CACNA1E: variants seen among roughly 807,000 people sequenced by gnomAD.
The protein encoded by CACNA1E is voltage-dependent R-type calcium channel subunit alpha-1E.
A neutral mutation model predicts 259.2 loss-of-function variants in CACNA1E; 40 were observed. The observed-to-expected ratio is 0.15, with a 90% confidence interval of 0.12 to 0.20. The LOEUF (loss-of-function observed/expected upper bound fraction) is 0.20. CACNA1E is among the 10% of genes least tolerant of loss of function. The probability of loss-of-function intolerance (pLI) is 1.00; values close to 1 mark genes in which losing one functional copy is unlikely to be tolerated. For synonymous variants in CACNA1E, 1,104 were observed against 1,138.5 expected, an observed-to-expected ratio of 0.97 and a Z score of 0.61; for missense variants, 1,874 against 3,040.1, an observed-to-expected ratio of 0.62 and a Z score of 9.02.
intron 21 of CACNA1E, among the ~76,000 whole-genome samples, chr1:181,734,748 C>A (rs1352257671): frequency 1.4e-5 from 2 of 145,780 alleles, no homozygotes; most frequent in African/African-American, 2.6e-5. Context: ...ACACCCTATC[C>A]TTGCCCTGAC....
Position 181,796,663 on chromosome 1 carries a change from C to T in CACNA1E, c.6209-5C>T, listed in dbSNP as rs773124453. 12 of 1,570,458 alleles carry T rather than the reference C, an allele frequency of 7.6e-6. No individual in the cohort carries two copies. The highest frequency in any genetic ancestry group is 2.3e-5 in the East Asian group (1 of 43,722). ...ATAACCAAGTGCTTTTGTCACCTCT[C>T]ACAGGCCACAAGTCTGACACTCACC... On this transcript the variant is annotated splice_region_variant and splice_polypyrimidine_tract_variant and intron_variant, in intron 46 of 47. Transcript: ENST00000367573.
At chr1:181,769,101 T>C (rs1659270324) in intron 35 of CACNA1E, among the ~76,000 whole-genome samples, 2 of 152,222 alleles carry the variant, frequency 1.3e-5, no homozygotes, top group African/African-American at 4.8e-5. Flanking sequence ...GCTCCTTCAC[T>C]GAACAACTGT....
At chr1:181,632,996 G>A (rs532734528) in intron 6 of CACNA1E, among the ~76,000 whole-genome samples, 1 of 152,246 alleles carries the variant, frequency 6.6e-6, no homozygotes, top group Non-Finnish European at 1.5e-5. Flanking sequence ...TTAGCACCCT[G>A]TATGATATAG....
chr1:181,366,376 A>C (rs376185125), intron 1 of CACNA1E, among the ~76,000 whole-genome samples: 1 of 152,222 alleles, frequency 6.6e-6, no homozygotes, highest in African/African-American at 2.4e-5. Context: ...TGCAGGTTGC[A>C]CGAGACCTAG....
intron 6 of CACNA1E, among the ~76,000 whole-genome samples, chr1:181,591,572 A>T (rs1451537304): frequency 6.6e-6 from 1 of 151,928 alleles, no homozygotes; most frequent in Non-Finnish European, 1.5e-5. Context: ...TATTTATATT[A>T]AATATATACA....
intron 7 of CACNA1E, among the ~76,000 whole-genome samples, chr1:181,657,290 G>C (rs1659283712): frequency 6.6e-6 from 1 of 152,090 alleles, no homozygotes; most frequent in South Asian, 2.1e-4. Flanking sequence ...GGGAAAGGGA[G>C]GGGGAGATTT....
chr1:181,776,136 C>T lies in CACNA1E; in HGVS notation c.5175C>T (p.Asn1725=). 1 of 1,613,918 alleles carries T rather than the reference C, an allele frequency of 6.2e-7. No homozygotes were observed. Among genetic ancestry groups the T allele is most frequent in the South Asian group, 1.1e-5 (1 of 91,080 alleles). The change falls in exon 38 of 48, where the codon AAC becomes AAT. Residue 1725 remains asparagine, a synonymous_variant. Coordinates refer to ENST00000367573, the MANE Select transcript of CACNA1E (RefSeq NM_001205293.3). This position sits in a 1 kb window ranked among gnomAD's most constrained non-coding sequence, Gnocchi z 4.4. The stretch of plus-strand genomic sequence containing the variant: ...TGTTTGTGGCCGTCATCATGGACAA[C>T]TTTGAGTACCTGACTCGGGACTCCT... ...LNLFVAVIMD[N]FEYLTRDSSI... is the part of the protein sequence containing the mutation.
chr1:181,648,145 A>AG (rs948416773), intron 6 of CACNA1E, among the ~76,000 whole-genome samples: 56 of 152,288 alleles, frequency 3.7e-4, no homozygotes, highest in African/African-American at 1.3e-3. Flanking sequence ...ACAGATTGAG[A>AG]GGGGGCTATG....
chr1:181,321,867 C>T (rs927788672), intron 1 of CACNA1E, among the ~76,000 whole-genome samples: 6 of 152,138 alleles, frequency 3.9e-5, no homozygotes, highest in African/African-American at 1.4e-4. Flanking sequence ...CTAGTTGGGC[C>T]TCATTTAACT....
At chr1:181,634,496 A>G (rs1366663626) in intron 6 of CACNA1E, among the ~76,000 whole-genome samples, 1 of 152,254 alleles carries the variant, frequency 6.6e-6, no homozygotes, top group Non-Finnish European at 1.5e-5. Flanking sequence ...TCTTGGAAAC[A>G]AACATAGCAA....
At chr1:181,598,227 G>A (rs563406613) in intron 6 of CACNA1E, among the ~76,000 whole-genome samples, 4 of 152,318 alleles carry the variant, frequency 2.6e-5, no homozygotes, top group African/African-American at 4.8e-5. Context: ...ACCAGGGCCC[G>A]TGTTAGGCAT....
At chr1:181,736,834 A>G (rs977761994) in intron 22 of CACNA1E, among the ~76,000 whole-genome samples, 1 of 152,162 alleles carries the variant, frequency 6.6e-6, no homozygotes, top group Admixed American at 6.5e-5. Flanking sequence ...GGAGTTGAGA[A>G]TTTTGGTCAC....
chr1:181,735,397 G>A lies in CACNA1E; in HGVS notation c.3263-878G>A, dbSNP rs532298571. 2.3e-4 allele frequency among the ~76,000 whole-genome samples: 35 copies of A among 152,270 alleles called. 1 individual carries two copies. The highest frequency in any genetic ancestry group is 7.9e-4 in the African/African-American group (33 of 41,550). ...ATGACTTACTCTTTAGGAGGCCTGG[G>A]CATGGGCCAGGACCACCGAGGTCCA... On this transcript the variant is annotated intron_variant, in intron 21 of 47. Transcript: ENST00000367573.
In CACNA1E at chr1:181,784,746, T is replaced by A; in HGVS notation, c.5556T>A (p.Asp1852Glu). The change falls in exon 41 of 48, where the codon GAT (aspartate) becomes GAA (glutamate). Residue 1852 changes from aspartate (D) to glutamate (E), a missense_variant. Coordinates refer to ENST00000367573, the MANE Select transcript of CACNA1E (RefSeq NM_001205293.3). ...CTCACCTATCCCAGAAGATGCTGGATCTGCTTGTGCCCATGCCCAAAGGTT... is the reference window on the plus strand; with the variant it reads ...CTCACCTATCCCAGAAGATGCTGGAACTGCTTGTGCCCATGCCCAAAGGTT... ...IWPHLSQKML[D>E]LLVPMPKASD... 1 of 1,576,654 alleles carries A rather than the reference T, an allele frequency of 6.3e-7. No homozygotes were observed.
intron 2 of CACNA1E, among the ~76,000 whole-genome samples, chr1:181,418,261 C>G (rs1658433121): frequency 6.6e-6 from 1 of 152,154 alleles, no homozygotes; most frequent in Non-Finnish European, 1.5e-5. Context: ...GCCTCCTGAG[C>G]TAGGAGTACA....
intron 3 of CACNA1E, among the ~76,000 whole-genome samples, chr1:181,574,184 G>A (rs543919216): frequency 2.6e-5 from 4 of 152,236 alleles, no homozygotes; most frequent in Non-Finnish European, 5.9e-5. Context: ...AATACGTGCC[G>A]GGCTTAATAC....
At chr1:181,464,038 A>G (rs1294013003) in intron 2 of CACNA1E, among the ~76,000 whole-genome samples, 1 of 151,994 alleles carries the variant, frequency 6.6e-6, no homozygotes, top group African/African-American at 2.4e-5. Flanking sequence ...TAGTCCTTTG[A>G]CTCAACACCA....
At chr1:181,527,771 T>G (rs753220329) in intron 3 of CACNA1E, among the ~76,000 whole-genome samples, 3 of 152,200 alleles carry the variant, frequency 2.0e-5, no homozygotes, top group African/African-American at 7.2e-5. Flanking sequence ...AATCTCATGA[T>G]AGTTCTATGT....
chr1:181,751,658 T>C (rs1657609391), intron 26 of CACNA1E, among the ~76,000 whole-genome samples: 1 of 152,244 alleles, frequency 6.6e-6, no homozygotes, highest in Non-Finnish European at 1.5e-5. Flanking sequence ...CTCTCAACTG[T>C]GGGTTCATCA....
Sources: gnomAD v4.1 joint callset for allele counts (sites outside exome capture counted in the v4.1 genomes callset) on GRCh38, gnomAD v4.1.1 for gene constraint, Gnocchi (gnomAD v3.1) non-coding constraint, MANE v1.5 for transcripts, NCBI Gene and HGNC (gene_info 2026-07-23, HGNC 2026-07-21) for gene names.